IFIT3: variants seen among roughly 807,000 people sequenced by gnomAD.
IFIT3 encodes the protein interferon-induced protein with tetratricopeptide repeats 3.
In IFIT3, 2 loss-of-function variants were observed where a neutral mutation model predicts 2.4. The ratio of observed to expected loss-of-function variants is 0.82; its 90% CI spans 0.34 to 2.60. IFIT3 has a LOEUF of 2.60. Ranked by LOEUF, IFIT3 falls within the 30% of genes most tolerant of loss-of-function variation. The pLI is 0.11. For missense variants in IFIT3, 481 were observed against 562.4 expected, an observed-to-expected ratio of 0.86 and a Z score of 1.46; for synonymous variants, 203 against 212.1, an observed-to-expected ratio of 0.96 and a Z score of 0.37.
chr10:89,331,687 C>T (rs1843652654), intron 1 of IFIT3, among the ~76,000 whole-genome samples: 1 of 151,494 alleles, frequency 6.6e-6, no homozygotes, highest in Non-Finnish European at 1.5e-5. Context: ...AGTGAGACCC[C>T]GTCTGTACTA....
intron 1 of IFIT3, among the ~76,000 whole-genome samples, chr10:89,331,003 TAA>T (rs1327393509): frequency 7.0e-6 from 1 of 143,806 alleles, no homozygotes; most frequent in Admixed American, 6.9e-5. Context: ...AGGATCCAGT[TAA>T]AAGAGTTTAT....
intron 1 of IFIT3, among the ~76,000 whole-genome samples, 165 bp from the exon 2 acceptor site, chr10:89,338,496 T>A (rs1843784158): frequency 6.6e-6 from 1 of 152,164 alleles, no homozygotes; most frequent in Non-Finnish European, 1.5e-5. Context: ...CCAATTCACA[T>A]GTTCATGTCT....
intron 1 of IFIT3, chr10:89,332,614 A>G (rs1843666774): frequency 1.9e-6 from 3 of 1,614,024 alleles, no homozygotes; most frequent in Non-Finnish European, 2.5e-6. Flanking sequence ...CTGCAGGGAA[A>G]CAGCCATCAT....
At chr10:89,334,039 G>A (rs1843691393) in intron 1 of IFIT3, among the ~76,000 whole-genome samples, 1 of 152,216 alleles carries the variant, frequency 6.6e-6, no homozygotes, top group East Asian at 1.9e-4. Context: ...GTCAGTTGGA[G>A]CATAACCAGC....
intron 1 of IFIT3, among the ~76,000 whole-genome samples, chr10:89,337,501 G>A (rs12250753): frequency 0.062 from 9,422 of 152,250 alleles, 697 homozygotes; most frequent in African/African-American, 0.18. Flanking sequence ...CTGGGCTCAA[G>A]TGATCCTCCT....
intron 1 of IFIT3, chr10:89,332,670 T>C (rs1197322949): frequency 2.5e-6 from 4 of 1,586,930 alleles, no homozygotes; most frequent in Non-Finnish European, 3.5e-6. Flanking sequence ...GAATTTCTTA[T>C]GTACAACTTC....
At position 89,340,151 on chromosome 10, in the gene IFIT3, T is replaced by G; in HGVS notation, c.*23T>G. The G allele has an allele frequency of 6.4e-7, 1 of 1,552,066 alleles. No homozygotes were observed. Among genetic ancestry groups the G allele is most frequent in the Non-Finnish European group, 8.7e-7 (1 of 1,149,944 alleles). On this transcript the variant is annotated 3_prime_UTR_variant, in exon 2 of 2. Coordinates refer to ENST00000371818, the MANE Select transcript of IFIT3 (RefSeq NM_001549.6). ...TGAGACAGAGGAGGAAAACAGAGCA[T>G]CAGAAGCCTGCAGTGGTGGTTGTGA...
rs201891518 is a variant in IFIT3, at chr10:89,332,438, C to T, written c.5+4360C>T. On this transcript the variant is annotated intron_variant, in intron 1 of 1. Coordinates refer to ENST00000371818, the MANE Select transcript of IFIT3 (RefSeq NM_001549.6). ...AGCTCAGTTCTCACAGATTCTGTTT[C>T]AGTTTCCCCTCAAGAGGGATCTTGA... The T allele has an allele frequency of 4.8e-5, 67 of 1,403,112 alleles. No individual in the cohort carries two copies. The East Asian group carries it at 1.5e-3, about 32-fold the overall frequency. 86.9% of individuals were successfully genotyped at this position (1,403,112 alleles called of 1,614,324 possible).
chr10:89,338,860 G>C lies in IFIT3; in HGVS notation c.205G>C (p.Ala69Pro). 6.2e-7 allele frequency: 1 copy of C among 1,614,098 alleles called. No homozygotes were observed. The highest frequency in any genetic ancestry group is 8.5e-7 in the Non-Finnish European group (1 of 1,179,994). ...YIKHLDGNNEAALECLRQAEE... is the reference protein window; with the variant it reads ...YIKHLDGNNEPALECLRQAEE... ...AAAACACCTAGATGGTAACAACGAG[G>C]CAGCCCTGGAATGCTTACGGCAAGC... Residue 69 changes from alanine to proline, a missense_variant, in exon 2 of 2, where the codon GCA becomes CCA. Coordinates refer to ENST00000371818, the MANE Select transcript of IFIT3 (RefSeq NM_001549.6).
chr10:89,329,883 TA>T (rs1374066404), intron 1 of IFIT3, among the ~76,000 whole-genome samples: 15 of 151,730 alleles, frequency 9.9e-5, no homozygotes, highest in South Asian at 4.2e-4. Context: ...GGAAGGGAGA[TA>T]GGGGTGGGGC....
chr10:89,340,341 G>A lies in IFIT3; in HGVS notation c.*213G>A, dbSNP rs1452940683. Reference sequence around the variant, plus strand: ...TGGGAGGCCGAGGTGGGCGGATCACGAGGTCTGGAGTTTGAGACCATCCTG... The same window carrying A: ...TGGGAGGCCGAGGTGGGCGGATCACAAGGTCTGGAGTTTGAGACCATCCTG... On this transcript the variant is annotated 3_prime_UTR_variant, in exon 2 of 2. Transcript: ENST00000371818. The A allele has an allele frequency of 1.4e-5, 6 of 427,278 alleles. No homozygotes were observed. The highest frequency in any genetic ancestry group is 3.9e-5 in the Admixed American group (1 of 25,896). The allele number at this position is 427,278 out of a possible 1,614,324, so 26.5% of individuals were successfully genotyped here. A position where few individuals can be genotyped will look rare whatever the true frequency, so the allele number is the denominator to read the frequency against.
chr10:89,333,359 T>C (rs1270082759), intron 1 of IFIT3, among the ~76,000 whole-genome samples: 1 of 149,910 alleles, frequency 6.7e-6, no homozygotes, highest in Non-Finnish European at 1.5e-5. Context: ...GAAACAAACA[T>C]ATATTTAAAG....
rs531589694 is a variant in IFIT3 at position 89,338,041 on chromosome 10, T to C, written c.6-620T>C. Among the ~76,000 whole-genome samples, 13 of 152,330 alleles carry C rather than the reference T, an allele frequency of 8.5e-5. 1 individual carries two copies. The South Asian group carries it at 2.7e-3, about 32-fold the overall frequency. ...GCTAATGTAAGGGTTCTGAGCACAT[T>C]TAAGCTAGGCTAAGCTATGGTAGGT... On this transcript the variant is annotated intron_variant, in intron 1 of 1. Transcript: ENST00000371818.
chr10:89,339,661 G>T lies in IFIT3; in HGVS notation c.1006G>T (p.Ala336Ser). The T allele has an allele frequency of 6.2e-7, 1 of 1,614,162 alleles. No individual in the cohort carries two copies. Among genetic ancestry groups the T allele is most frequent in the Non-Finnish European group, 8.5e-7 (1 of 1,180,008 alleles). ...TCCTCTGAATGCATACTCCGATCTC[G>T]CTGAGTTCCTGGAGACGGAATGTTA... ...LNPLNAYSDL[A>S]EFLETECYQT... The change falls in exon 2 of 2, where the codon GCT (alanine) becomes TCT (serine). Residue 336 changes from alanine to serine, a missense_variant. Ala to Ser is a moderately conservative substitution (Grantham distance 99). Transcript: ENST00000371818.
At chr10:89,332,537 C>A in intron 1 of IFIT3, 2 of 1,612,848 alleles carry the variant, frequency 1.2e-6, no homozygotes, top group Middle Eastern at 1.7e-4. Context: ...GGGTGGAAAC[C>A]TCTTCAGCAT....
intron 1 of IFIT3, chr10:89,332,394 C>G: frequency 9.7e-7 from 1 of 1,026,410 alleles, no homozygotes; most frequent in South Asian, 2.5e-5. Context: ...CTGTCTGGAA[C>G]ATGTTCCTGG....
At chr10:89,329,030 T>A (rs1843624906) in intron 1 of IFIT3, among the ~76,000 whole-genome samples, 1 of 152,194 alleles carries the variant, frequency 6.6e-6, no homozygotes. Context: ...TTTTTAAATT[T>A]ATATATTGAC....
chr10:89,334,249 A>G (rs1040308482), intron 1 of IFIT3, among the ~76,000 whole-genome samples: 4 of 152,092 alleles, frequency 2.6e-5, no homozygotes, highest in African/African-American at 9.7e-5. Context: ...GACTGTAACT[A>G]TGTTGATTCT....
At position 89,330,744 on chromosome 10, in the gene IFIT3, CTT is replaced by C. The variant is rs1197359073; in HGVS notation, c.5+2667_5+2668del. Among the ~76,000 whole-genome samples, 5 of 91,068 alleles carry C rather than the reference CTT, an allele frequency of 5.5e-5. No homozygotes were observed. In the East Asian group the frequency reaches 5.0e-3, roughly 92 times the overall value. The allele number at this position is 91,068 out of a possible 152,430, so 59.7% of individuals were successfully genotyped here. A position where few individuals can be genotyped will look rare whatever the true frequency, so the allele number is the denominator to read the frequency against. On this transcript the variant is annotated intron_variant, in intron 1 of 1. Transcript: ENST00000371818. ...TCCAGGTGTCCTGTGGTTTTCTTCCCTTCACTCAAGATGCCTGATAATGCTGC... is the reference window on the plus strand; with the variant it reads ...TCCAGGTGTCCTGTGGTTTTCTTCCCCACTCAAGATGCCTGATAATGCTGC...
Sources: gnomAD v4.1 joint callset for allele counts (sites outside exome capture counted in the v4.1 genomes callset) on GRCh38, gnomAD v4.1.1 for gene constraint, MANE v1.5 for transcripts, NCBI Gene and HGNC (gene_info 2026-07-23, HGNC 2026-07-21) for gene names.